Variants in ECI1 observed in about 807,000 individuals in gnomAD.
ECI1 encodes enoyl-CoA delta isomerase 1.
In ECI1, 34 loss-of-function variants were observed where a neutral mutation model predicts 34.2. The ratio of observed to expected loss-of-function variants is 1.00; its 90% CI spans 0.76 to 1.33. The LOEUF (loss-of-function observed/expected upper bound fraction) is 1.33, where lower values mean the gene tolerates loss of function less well. ECI1 is among the 40% of genes most tolerant of loss of function. The pLI is 0.00. For synonymous variants in ECI1, 211 were observed against 193.0 expected (o/e 1.09, Z -0.77); for missense variants, 456 against 422.2 (o/e 1.08, Z -0.70).
At chr16:2,248,089 CTCTT>C (rs1206833171) in intron 2 of ECI1, among the ~76,000 whole-genome samples, 8 of 152,198 alleles carry the variant, frequency 5.3e-5, no homozygotes, top group African/African-American at 1.4e-4. Context: ...CAACCATTCT[CTCTT>C]TCTCTCTCTA....
In ECI1 at chr16:2,240,127, G is replaced by C. The variant is rs201415022; in HGVS notation, c.761C>G (p.Thr254Ser). 1.4e-5 allele frequency: 22 copies of C among 1,613,830 alleles called. No homozygotes were observed. Among genetic ancestry groups the C allele is most frequent in the Non-Finnish European group, 1.7e-5 (20 of 1,180,038 alleles). ...MAIPDHARQL[T>S]KAMMRKATAS... is the part of the protein sequence containing the mutation. ...CGTGGCCTTTCGCATCATGGCCTTG[G>C]TCAGCTGTCGAGCATGGTCTAAAGA... is the stretch of plus-strand genomic sequence containing the variant. The change falls in exon 7 of 7, where the codon ACC becomes AGC. Residue 254 changes from threonine to serine, a missense_variant. Coordinates refer to ENST00000301729, the MANE Select transcript of ECI1 (RefSeq NM_001919.4).
At chr16:2,244,722 G>A (rs2093536339) in intron 3 of ECI1, among the ~76,000 whole-genome samples, 170 bp from the exon 4 acceptor site, 1 of 152,220 alleles carries the variant, frequency 6.6e-6, no homozygotes, top group Non-Finnish European at 1.5e-5. Flanking sequence ...ACTCGGCCAA[G>A]GCTTCTCCTG....
In ECI1 at chr16:2,239,798, A is replaced by G. The variant is rs939767117; in HGVS notation, c.*181T>C. On this transcript the variant is annotated 3_prime_UTR_variant, in exon 7 of 7. Transcript: ENST00000301729. ...CTCCCCTTGCCTGACGGGCACAGGC[A>G]CCCATGTGTGTTTGTGTGTGGCTGG... 1.5e-6 allele frequency: 1 copy of G among 670,656 alleles called. No individual in the cohort carries two copies. The highest frequency in any genetic ancestry group is 1.8e-5 in the African/African-American group (1 of 55,852). 41.5% of individuals were successfully genotyped at this position (670,656 alleles called of 1,614,324 possible).
At chr16:2,240,207 CTTATTT>C (rs1267178803) in intron 6 of ECI1, 62 bp from the exon 7 acceptor site, 36 of 1,555,668 alleles carry the variant, frequency 2.3e-5, no homozygotes, top group Non-Finnish European at 3.2e-5. Context: ...TGATTCCCAA[CTTATTT>C]TTTATTTTTA....
intron 6 of ECI1, chr16:2,241,004 GTCATTT>G (rs1336112943): frequency 1.3e-5 from 2 of 151,904 alleles, no homozygotes; most frequent in Non-Finnish European, 2.9e-5. Context: ...GACTTAACGT[GTCATTT>G]TCACTCAACT....
rs775488278 is a variant in ECI1 at position 2,243,059 on chromosome 16, C to A, written c.729G>T (p.Trp243Cys). ...QSTALSAIAQWMAIPDHARQL... is the reference protein window; with the variant it reads ...QSTALSAIAQCMAIPDHARQL... ...CCCGTGCCTCACCTGGAATGGCCAT[C>A]CACTGGGCTATCGCTGACAGCGCAG... Residue 243 changes from tryptophan to cysteine, a missense_variant, in exon 6 of 7, where the codon TGG (tryptophan) becomes TGT (cysteine). Physicochemically the swap from Trp to Cys is radical, Grantham distance 215. Coordinates refer to ENST00000301729, the MANE Select transcript of ECI1 (RefSeq NM_001919.4). 3 of 1,603,416 alleles carry A rather than the reference C, an allele frequency of 1.9e-6. No homozygotes were observed. The highest frequency in any genetic ancestry group is 2.2e-5 in the East Asian group (1 of 44,876).
chr16:2,247,045 A>G (rs1416408668), intron 2 of ECI1, 59 bp from the exon 3 acceptor site: 306 of 1,594,548 alleles, frequency 1.9e-4, no homozygotes, highest in Non-Finnish European at 2.5e-5. Context: ...CAGCCTGACC[A>G]GCCTGCACCC....
rs562961829 is a variant in ECI1, at chr16:2,244,635, GC to G, written c.295-84del. 3 of 1,444,372 alleles carry G rather than the reference GC, an allele frequency of 2.1e-6. No homozygotes were observed. The South Asian group carries it at 3.7e-5, about 18-fold the overall frequency. The allele number at this position is 1,444,372 out of a possible 1,614,324, so 89.5% of individuals were successfully genotyped here. Reference sequence around the variant, plus strand: ...AGCAGGAGGGCTGGGGAGCCCAGGTGCACGACGCACAGCAGGGCCAGGTCAC... The same window carrying G: ...AGCAGGAGGGCTGGGGAGCCCAGGTGACGACGCACAGCAGGGCCAGGTCAC... On this transcript the variant is annotated intron_variant, in intron 3 of 6. Transcript: ENST00000301729.
At position 2,239,765 on chromosome 16, in the gene ECI1, C is replaced by A; in HGVS notation, c.*214G>T. 1 of 591,486 alleles carries A rather than the reference C, an allele frequency of 1.7e-6. No homozygotes were observed. The allele number at this position is 591,486 out of a possible 1,614,324, so 36.6% of individuals were successfully genotyped here. On this transcript the variant is annotated 3_prime_UTR_variant, in exon 7 of 7. Coordinates refer to ENST00000301729, the MANE Select transcript of ECI1 (RefSeq NM_001919.4). Reference sequence around the variant, plus strand: ...GTCACAATCCCAAGTCAAAAGGCTGCCCTCCAACTCCCCTTGCCTGACGGG... The same window carrying A: ...GTCACAATCCCAAGTCAAAAGGCTGACCTCCAACTCCCCTTGCCTGACGGG...
intron 2 of ECI1, 68 bp downstream of exon 2, chr16:2,251,248 A>ACCCCGCGAGCGCGGAC (rs1236813291): frequency 2.7e-6 from 2 of 748,888 alleles, no homozygotes; most frequent in Non-Finnish European, 3.5e-6. Flanking sequence ...CTCCGACAGC[A>ACCCCGCGAGCGCGGAC]CCCCGCGAGC....
At chr16:2,242,593 A>AT (rs1433192135) in intron 6 of ECI1, 1 of 196,726 alleles carries the variant, frequency 5.1e-6, no homozygotes, top group Non-Finnish European at 1.1e-5. Context: ...TGCAGATGTA[A>AT]TTAAGTTGGG....
intron 3 of ECI1, among the ~76,000 whole-genome samples, chr16:2,246,618 C>T (rs2093540921): frequency 6.6e-6 from 1 of 152,210 alleles, no homozygotes. Context: ...GGTCCACCTT[C>T]ACCTTTGGGA....
In ECI1 at chr16:2,251,429, C is replaced by A; in HGVS notation, c.53G>T (p.Gly18Val). ...RVPARVLLRA[G>V]ARLPGAALGR... The stretch of plus-strand genomic sequence containing the variant: ...GAGGGCCGCGCCCGGGAGCCGGGCC[C>A]CTGCGAAGGCAGCGTGGGGGAGCCC... The change falls in exon 2 of 7, where the codon GGG (glycine) becomes GTG (valine). Residue 18 changes from glycine (G) to valine (V), a missense_variant and splice_region_variant. Coordinates refer to ENST00000301729, the MANE Select transcript of ECI1 (RefSeq NM_001919.4). 1 of 1,441,724 alleles carries A rather than the reference C, an allele frequency of 6.9e-7. No homozygotes were observed. Among genetic ancestry groups the A allele is most frequent in the Non-Finnish European group, 9.1e-7 (1 of 1,094,544 alleles). The allele number at this position is 1,441,724 out of a possible 1,614,324, so 89.3% of individuals were successfully genotyped here. A position where few individuals can be genotyped will look rare whatever the true frequency, so the allele number is the denominator to read the frequency against.
chr16:2,246,336 C>G (rs926017622), intron 3 of ECI1, among the ~76,000 whole-genome samples: 1 of 152,204 alleles, frequency 6.6e-6, no homozygotes, highest in Non-Finnish European at 1.5e-5. Flanking sequence ...GTTCGCAGGA[C>G]TGGCTCAGGG....
Position 2,243,037 on chromosome 16 carries a change from G to GT in ECI1, c.742+8dup. On this transcript the variant is annotated intron_variant, in intron 6 of 6. Transcript: ENST00000301729. ...CATCATCGGGCGCCCGCCATGCCCCGTGCCTCACCTGGAATGGCCATCCAC... is the reference window on the plus strand; with the variant it reads ...CATCATCGGGCGCCCGCCATGCCCCGTTGCCTCACCTGGAATGGCCATCCAC... 3 of 1,599,450 alleles carry GT rather than the reference G, an allele frequency of 1.9e-6. No individual in the cohort carries two copies. Among genetic ancestry groups the GT allele is most frequent in the Non-Finnish European group, 2.5e-6 (3 of 1,177,892 alleles).
At position 2,239,990 on chromosome 16, in the gene ECI1, C is replaced by T. The variant is rs760335285; in HGVS notation, c.898G>A (p.Glu300Lys). ...TGGCAGCCCAATCGTTAGCCTTTTT[C>T]TTCTTTGAGCCTCTCTAAGTACATC... ...LQMYLERLKEEKG is the reference protein window; with the variant it reads ...LQMYLERLKEKKG The change falls in exon 7 of 7, where the codon GAA (glutamate) becomes AAA (lysine). Residue 300 changes from glutamate to lysine, a missense_variant. Coordinates refer to ENST00000301729, the MANE Select transcript of ECI1 (RefSeq NM_001919.4). 1 of 1,613,586 alleles carries T rather than the reference C, an allele frequency of 6.2e-7. No individual in the cohort carries two copies. The highest frequency in any genetic ancestry group is 1.3e-5 in the African/African-American group (1 of 74,946).
rs1478232639 is a variant in ECI1 at position 2,244,409 on chromosome 16, G to T, written c.438C>A (p.Ile146=). 7.4e-6 allele frequency: 12 copies of T among 1,612,316 alleles called. No individual in the cohort carries two copies. Among genetic ancestry groups the T allele is most frequent in the Non-Finnish European group, 1.0e-5 (12 of 1,179,766 alleles). ...ACCTGGGAGTGGGGACACTCACGTT[G>T]ATGGCGGAGACCAGCACCAGGTTGG... ...YQSNLVLVSA[I]NGACPAGGCL... is the part of the protein sequence containing the mutation. The change falls in exon 4 of 7, where the codon ATC becomes ATA. Residue 146 remains isoleucine, a synonymous_variant. Coordinates refer to ENST00000301729, the MANE Select transcript of ECI1 (RefSeq NM_001919.4).
intron 6 of ECI1, 76 bp downstream of exon 6, chr16:2,242,970 C>A: frequency 8.5e-7 from 1 of 1,178,674 alleles, no homozygotes; most frequent in Non-Finnish European, 1.2e-6. Flanking sequence ...GTCACGATGT[C>A]CACAGAAAAC....
intron 3 of ECI1, 101 bp downstream of exon 3, chr16:2,246,758 T>C: frequency 6.3e-7 from 1 of 1,576,198 alleles, no homozygotes; most frequent in Non-Finnish European, 8.7e-7. Context: ...GTGCCACACG[T>C]TGGCAGGCTC....
Sources: allele counts gnomAD v4.1 joint callset (sites outside exome capture counted in the v4.1 genomes callset), GRCh38; gene constraint gnomAD v4.1.1; transcripts MANE v1.5; gene names NCBI Gene and HGNC (gene_info 2026-07-23, HGNC 2026-07-21).